Variants in CAPS2 observed in about 807,000 individuals in gnomAD.
The protein encoded by CAPS2 is calcyphosin-2.
CAPS2 carries 98 observed loss-of-function variants against 86.5 expected under a neutral mutation model. The ratio of observed to expected loss-of-function variants is 1.13; its 90% CI spans 0.96 to 1.34. CAPS2 has a LOEUF of 1.34. Among genes scored for constraint, CAPS2 ranks in the 40% most tolerant of loss-of-function variants. The pLI is 0.00. For missense variants in CAPS2, 729 were observed against 686.8 expected, an observed-to-expected ratio of 1.06 and a Z score of -0.69; for synonymous variants, 210 against 225.1, an observed-to-expected ratio of 0.93 and a Z score of 0.60.
chr12:75,303,528 C>G (rs768522869), intron 8 of CAPS2, among the ~76,000 whole-genome samples: 4 of 152,182 alleles, frequency 2.6e-5, no homozygotes, highest in African/African-American at 7.2e-5. Context: ...GCATTTGGTA[C>G]ATGAGTGTTG....
chr12:75,293,634 A>G (rs1211154613), intron 11 of CAPS2, among the ~76,000 whole-genome samples: 3 of 152,192 alleles, frequency 2.0e-5, no homozygotes, highest in African/African-American at 7.2e-5. Flanking sequence ...AATGAGAATG[A>G]GAGGAAAAAA....
intron 1 of CAPS2, among the ~76,000 whole-genome samples, chr12:75,361,602 AC>A (rs1180283726): frequency 6.6e-6 from 1 of 152,170 alleles, no homozygotes; most frequent in African/African-American, 2.4e-5. Flanking sequence ...GTTCCACGTG[AC>A]TGGGGAGGCC....
chr12:75,334,715 C>G (rs767400903), upstream of CAPS2: 1 of 1,609,962 alleles, frequency 6.2e-7, no homozygotes, highest in Non-Finnish European at 8.5e-7. Context: ...CCTCCGCATC[C>G]TCCACATCCT....
chr12:75,332,047 G>A (rs1234079614), upstream of CAPS2, among the ~76,000 whole-genome samples: 1 of 152,030 alleles, frequency 6.6e-6, no homozygotes, highest in East Asian at 1.9e-4. Context: ...CTAAGCCATT[G>A]GGAACATGAT....
At chr12:75,306,245 A>C in intron 7 of CAPS2, 1 of 642,734 alleles carries the variant, frequency 1.6e-6, no homozygotes, top group South Asian at 1.8e-5. Flanking sequence ...CATGCAAATC[A>C]TGGAGTTCCT....
At chr12:75,380,572 A>G (rs1303654270) in intron 1 of CAPS2, among the ~76,000 whole-genome samples, 1 of 152,244 alleles carries the variant, frequency 6.6e-6, no homozygotes, top group Non-Finnish European at 1.5e-5. Flanking sequence ...AAAAACATTT[A>G]TTAAGCATGC....
intron 14 of CAPS2, among the ~76,000 whole-genome samples, chr12:75,288,832 A>G (rs981500941): frequency 2.0e-5 from 3 of 152,170 alleles, no homozygotes; most frequent in Non-Finnish European, 2.9e-5. Flanking sequence ...CCCTGATGAG[A>G]CTTAATGATC....
intron 12 of CAPS2, among the ~76,000 whole-genome samples, chr12:75,292,773 A>C (rs1200788013): frequency 6.7e-6 from 1 of 149,372 alleles, no homozygotes. Context: ...TGTTATTAAA[A>C]AAATTCATTT....
chr12:75,318,341 C>T (rs555724426), intron 5 of CAPS2, among the ~76,000 whole-genome samples: 2 of 152,234 alleles, frequency 1.3e-5, no homozygotes, highest in African/African-American at 4.8e-5. Context: ...CAAAGGTCTT[C>T]CTGCTTTTAT....
upstream of CAPS2, among the ~76,000 whole-genome samples, chr12:75,329,109 C>T (rs2041058485): frequency 6.6e-6 from 1 of 152,198 alleles, no homozygotes; most frequent in Non-Finnish European, 1.5e-5. Context: ...CCCGAATTCA[C>T]ACGTGGGTTT....
chr12:75,335,686 T>C (rs937521785), intron 1 of CAPS2, among the ~76,000 whole-genome samples: 1 of 151,998 alleles, frequency 6.6e-6, no homozygotes, highest in Non-Finnish European at 1.5e-5. Context: ...TGTACTAGTC[T>C]ACTGTATAAG....
chr12:75,319,434 A>G (rs900844639), intron 5 of CAPS2, among the ~76,000 whole-genome samples: 2 of 152,014 alleles, frequency 1.3e-5, no homozygotes, highest in Non-Finnish European at 2.9e-5. Flanking sequence ...TTGCTATGTG[A>G]TCTCTGCACA....
At chr12:75,356,006 A>G (rs1357115822) in intron 1 of CAPS2, among the ~76,000 whole-genome samples, 1 of 152,122 alleles carries the variant, frequency 6.6e-6, no homozygotes, top group Non-Finnish European at 1.5e-5. Flanking sequence ...GGAGAGCATC[A>G]GCAAAAATAG....
chr12:75,379,588 T>A (rs1342025593), intron 1 of CAPS2, among the ~76,000 whole-genome samples: 1 of 152,182 alleles, frequency 6.6e-6, no homozygotes, highest in Non-Finnish European at 1.5e-5. Flanking sequence ...CTTAGCTTTT[T>A]CAAACTACTG....
intron 5 of CAPS2, among the ~76,000 whole-genome samples, chr12:75,317,630 C>T (rs891179696): frequency 6.6e-6 from 1 of 151,916 alleles, no homozygotes; most frequent in South Asian, 2.1e-4. Context: ...TTAATGGTAA[C>T]CCTCTTAGGC....
At chr12:75,313,319 G>A (rs1049233718) in intron 6 of CAPS2, among the ~76,000 whole-genome samples, 5 of 152,040 alleles carry the variant, frequency 3.3e-5, no homozygotes, top group Admixed American at 6.6e-5. Context: ...AATAAGCTTC[G>A]TCTAACACTA....
chr12:75,292,302 G>T (rs796421709), intron 12 of CAPS2, among the ~76,000 whole-genome samples: 1 of 151,956 alleles, frequency 6.6e-6, no homozygotes, highest in African/African-American at 2.4e-5. Flanking sequence ...TCTTGACCTT[G>T]TGATCCGCCC....
chr12:75,382,163 G>A (rs1342693661), intron 1 of CAPS2, among the ~76,000 whole-genome samples: 1 of 152,012 alleles, frequency 6.6e-6, no homozygotes, highest in Non-Finnish European at 1.5e-5. Context: ...ATGAGAAAGA[G>A]TCAATAAAAT....
At chr12:75,383,950 A>T (rs1240564308) in intron 1 of CAPS2, among the ~76,000 whole-genome samples, 1 of 152,188 alleles carries the variant, frequency 6.6e-6, no homozygotes, top group African/African-American at 2.4e-5. Flanking sequence ...ATCTCAAAAG[A>T]AATTTGAAAA....
Sources: allele counts gnomAD v4.1 joint callset (sites outside exome capture counted in the v4.1 genomes callset), GRCh38; gene constraint gnomAD v4.1.1; transcripts MANE v1.5; gene names NCBI Gene and HGNC (gene_info 2026-07-23, HGNC 2026-07-21).